The following STX3 variants were observed in gnomAD, a reference collection of about 807,000 sequenced individuals.
STX3 encodes syntaxin 3.
A neutral mutation model predicts 40.2 loss-of-function variants in STX3; 19 were observed. The ratio of observed to expected loss-of-function variants is 0.47; its 90% confidence interval spans 0.33 to 0.69. STX3 has a LOEUF of 0.69. Ranked by LOEUF, STX3 falls within the 30% of genes least tolerant of loss-of-function variation. The pLI, the probability that STX3 is intolerant of heterozygous loss-of-function variation, is 0.02. For synonymous variants in STX3, 122 were observed against 132.2 expected, an observed-to-expected ratio of 0.92 and a Z score of 0.53; for missense variants, 364 against 366.7, an observed-to-expected ratio of 0.99 and a Z score of 0.06.
chr11:59,788,742 C>T (rs961776985), intron 3 of STX3, 131 bp from the exon 4 acceptor site: 3 of 643,798 alleles, frequency 4.7e-6, no homozygotes, highest in Non-Finnish European at 8.0e-6. Context: ...CTGGGGAGTG[C>T]GTAGGGATAA....
At chr11:59,793,328 G>T in intron 7 of STX3, 52 bp from the exon 8 acceptor site, 1 of 1,602,654 alleles carries the variant, frequency 6.2e-7, no homozygotes, top group Non-Finnish European at 8.5e-7. Context: ...GCTGTGGCAG[G>T]GGCAGCCTTT....
chr11:59,798,474 C>T lies in STX3; in HGVS notation c.*30+1078C>T, dbSNP rs191247381. Among the ~76,000 whole-genome samples the T allele has an allele frequency of 2.8e-4, 42 of 152,240 alleles. No individual in the cohort carries two copies. The East Asian group carries it at 5.0e-3, about 18-fold the overall frequency. On this transcript the variant is annotated intron_variant, in intron 10 of 10. Transcript: ENST00000337979. Reference sequence around the variant, plus strand: ...TGCCCGCCTAAGCTGGGATTACAGGCGTGAGCCACTGCGCCCGGCCTGAAT... The same window carrying T: ...TGCCCGCCTAAGCTGGGATTACAGGTGTGAGCCACTGCGCCCGGCCTGAAT...
chr11:59,766,098 C>G (rs1863269795), intron 1 of STX3, among the ~76,000 whole-genome samples: 1 of 152,182 alleles, frequency 6.6e-6, no homozygotes, highest in Admixed American at 6.5e-5. Context: ...CTGGGGGCTC[C>G]TGGGCTTTCT....
chr11:59,792,250 T>C (rs1445133101), intron 6 of STX3, 35 bp downstream of exon 6: 2 of 1,575,728 alleles, frequency 1.3e-6, no homozygotes, highest in Admixed American at 3.4e-5. Context: ...GCCCTCCACC[T>C]TTCCTGCCAC....
intron 2 of STX3, chr11:59,781,712 T>C: frequency 1.3e-6 from 2 of 1,595,094 alleles, no homozygotes; most frequent in Non-Finnish European, 1.7e-6. Flanking sequence ...GCTGCTGAAC[T>C]GTGGCCATGG....
At chr11:59,765,531 C>T (rs764605452) in intron 1 of STX3, among the ~76,000 whole-genome samples, 16 of 152,052 alleles carry the variant, frequency 1.1e-4, no homozygotes, top group Non-Finnish European at 1.9e-4. Flanking sequence ...AGGCTGGGTG[C>T]GGTGGCTCAT....
chr11:59,797,229 A>AT (rs1182503395), intron 9 of STX3, 54 bp from the exon 10 acceptor site: 3 of 1,450,632 alleles, frequency 2.1e-6, no homozygotes, highest in Non-Finnish European at 2.9e-6. Context: ...ATGAGTTGTT[A>AT]TTTTTTTGGT....
intron 2 of STX3, among the ~76,000 whole-genome samples, chr11:59,784,358 T>C (rs1203901548): frequency 1.3e-5 from 2 of 152,202 alleles, no homozygotes; most frequent in Non-Finnish European, 2.9e-5. Flanking sequence ...CTCAATCCTG[T>C]AAAACAGTGT....
chr11:59,785,463 T>C (rs1864693424), intron 2 of STX3, among the ~76,000 whole-genome samples: 1 of 152,110 alleles, frequency 6.6e-6, no homozygotes, highest in African/African-American at 2.4e-5. Flanking sequence ...CCTGAGTAGC[T>C]GGGACTACAG....
intron 8 of STX3, 133 bp from the exon 9 acceptor site, chr11:59,795,223 TGAATGGGTGTCCTATG>T: frequency 1.6e-6 from 1 of 639,522 alleles, no homozygotes; most frequent in Non-Finnish European, 2.7e-6. Context: ...CCAAGGACTG[TGAATGGGTGTCCTATG>T]GAAGGCCATG....
At chr11:59,763,815 C>T (rs975127356) in intron 1 of STX3, among the ~76,000 whole-genome samples, 5 of 152,182 alleles carry the variant, frequency 3.3e-5, no homozygotes, top group East Asian at 3.9e-4. Flanking sequence ...GTTGGGAGTT[C>T]AAGACCATCC....
Position 59,755,595 on chromosome 11 carries a change from T to C in STX3, c.-11T>C. 1.3e-6 allele frequency: 2 copies of C among 1,593,282 alleles called. No individual in the cohort carries two copies. ...GACGCGCTACCTGCCTCCGGGCGCC[T>C]GGGCTTCAGGATGAAGGACCGTCTG... On this transcript the variant is annotated 5_prime_UTR_variant, in exon 1 of 11. Coordinates refer to ENST00000337979, the MANE Select transcript of STX3 (RefSeq NM_004177.5).
chr11:59,782,075 C>T (rs1403795617), intron 2 of STX3, among the ~76,000 whole-genome samples: 1 of 152,188 alleles, frequency 6.6e-6, no homozygotes. Context: ...TGCAACCTGC[C>T]AGTTCCACAA....
At chr11:59,785,971 A>G (rs1175693657) in intron 2 of STX3, among the ~76,000 whole-genome samples, 4 of 152,172 alleles carry the variant, frequency 2.6e-5, no homozygotes, top group African/African-American at 7.2e-5. Context: ...GCTGCAGTCA[A>G]AGCTCACACA....
chr11:59,766,740 G>A (rs1863303281), intron 1 of STX3, among the ~76,000 whole-genome samples: 1 of 152,230 alleles, frequency 6.6e-6, no homozygotes, highest in Non-Finnish European at 1.5e-5. Context: ...GTGACAGGCT[G>A]CCCTGAGCAG....
intron 2 of STX3, among the ~76,000 whole-genome samples, chr11:59,776,074 C>T (rs2134942421): frequency 6.6e-6 from 1 of 152,276 alleles, no homozygotes; most frequent in African/African-American, 2.4e-5. Context: ...TCAGAAAGTA[C>T]TTAGCATGGG....
rs1186415001 is a variant in STX3, at chr11:59,755,461, GGCCGCCGCCC to G, written c.-135_-126del. ...GCCTCGGACGCTCCTCCTAGCTAGC[GGCCGCCGCCC>G]GCCGCCGCCTGCGCCTCCAGCTCCT... On this transcript the variant is annotated 5_prime_UTR_variant, in exon 1 of 11. Transcript: ENST00000337979. The G allele has an allele frequency of 8.9e-5, 89 of 999,308 alleles. No homozygotes were observed. In the East Asian group the frequency reaches 2.1e-3, roughly 24 times the overall value. The allele number at this position is 999,308 out of a possible 1,614,324, so 61.9% of individuals were successfully genotyped here. A position where few individuals can be genotyped will look rare whatever the true frequency, so the allele number is the denominator to read the frequency against.
chr11:59,786,219 TTTTCTTTATCTG>T (rs1167366919), intron 2 of STX3, among the ~76,000 whole-genome samples: 4 of 151,828 alleles, frequency 2.6e-5, no homozygotes, highest in Admixed American at 2.0e-4. Context: ...TCTCTCCTTG[TTTTCTTTATCTG>T]TTTCTTTCTT....
At chr11:59,786,200 C>G (rs534746389) in intron 2 of STX3, among the ~76,000 whole-genome samples, 5 of 151,406 alleles carry the variant, frequency 3.3e-5, no homozygotes, top group South Asian at 4.2e-4. Flanking sequence ...TGCCTAGTAT[C>G]TCTCTTTTTC....
Sources: allele counts gnomAD v4.1 joint callset (sites outside exome capture counted in the v4.1 genomes callset), GRCh38; gene constraint gnomAD v4.1.1; transcripts MANE v1.5; gene names NCBI Gene and HGNC (gene_info 2026-07-23, HGNC 2026-07-21).